ATP13A4: variants seen among roughly 807,000 people sequenced by gnomAD.
The protein encoded by ATP13A4 is probable cation-transporting ATPase 13A4.
ATP13A4 carries 114 observed loss-of-function variants against 142.5 expected under a neutral mutation model. The observed-to-expected ratio is 0.80, with a 90% CI of 0.69 to 0.93. The LOEUF (loss-of-function observed/expected upper bound fraction) is 0.93. ATP13A4 is among the 40% of genes least tolerant of loss of function. ATP13A4 has a pLI of 0.00. For missense variants in ATP13A4, 1,392 were observed against 1,454.0 expected (o/e 0.96, Z 0.69); for synonymous variants, 488 against 514.8 (o/e 0.95, Z 0.70).
intron 25 of ATP13A4, 24 bp from the exon 26 acceptor site, chr3:193,414,774 T>C (rs757864975): frequency 4.3e-6 from 7 of 1,610,080 alleles, no homozygotes; most frequent in Non-Finnish European, 5.9e-6. Context: ...TCGAATTTTA[T>C]ATTTATGAGA....
chr3:193,554,877 C>A lies in ATP13A4; in HGVS notation c.-78G>T. The A allele has an allele frequency of 6.2e-7, 1 of 1,612,740 alleles. No individual in the cohort carries two copies. ...GATGAACTCCAACTCGCCGAGCCAC[C>A]GCAGCTCCTCAGCTGACTAAAAGAG... On this transcript the variant is annotated 5_prime_UTR_variant, in exon 1 of 30. Transcript: ENST00000342695.
intron 2 of ATP13A4, among the ~76,000 whole-genome samples, chr3:193,508,741 G>A (rs1475476885): frequency 6.6e-6 from 1 of 152,080 alleles, no homozygotes; most frequent in Admixed American, 6.6e-5. Flanking sequence ...ATTCAGAAGT[G>A]GGAATGTGTA....
chr3:193,528,960 A>G (rs1343872381), intron 1 of ATP13A4, among the ~76,000 whole-genome samples: 2 of 152,168 alleles, frequency 1.3e-5, no homozygotes, highest in Non-Finnish European at 2.9e-5. Context: ...GATGTCCTCT[A>G]TAACTGGCTT....
At chr3:193,438,404 C>T in intron 23 of ATP13A4, 71 bp downstream of exon 23, 1 of 1,304,742 alleles carries the variant, frequency 7.7e-7, no homozygotes, top group Non-Finnish European at 1.1e-6. Context: ...TAGTCTTTCC[C>T]AGGCAGAACA....
At chr3:193,572,298 C>G (rs1456271928) in intron 2 of ATP13A4, among the ~76,000 whole-genome samples, 1 of 152,110 alleles carries the variant, frequency 6.6e-6, no homozygotes, top group Admixed American at 6.5e-5. Flanking sequence ...ACTCTCTATC[C>G]TATCTTCATA....
At chr3:193,508,059 A>T (rs1272036320) in intron 2 of ATP13A4, among the ~76,000 whole-genome samples, 1 of 152,182 alleles carries the variant, frequency 6.6e-6, no homozygotes, top group Admixed American at 6.5e-5. Flanking sequence ...TCCATATGAG[A>T]TGAAGAGACA....
chr3:193,419,021 C>T lies in ATP13A4; in HGVS notation c.2843-4271G>A, dbSNP rs142434230. The T allele has an allele frequency of 1.5e-3, 232 of 150,868 alleles. 24 individuals carry two copies. The South Asian group carries it at 0.026, about 17-fold the overall frequency. The allele number at this position is 150,868 out of a possible 1,614,324, so 9.3% of individuals were successfully genotyped here. A position where few individuals can be genotyped will look rare whatever the true frequency, so the allele number is the denominator to read the frequency against. On this transcript the variant is annotated intron_variant, in intron 25 of 29. Transcript: ENST00000342695. Reference sequence around the variant, plus strand: ...TCCTCTAGGGACTGAACTGAAGCTACACACTACCTCCACAGGAAATGAGTG... The same window carrying T: ...TCCTCTAGGGACTGAACTGAAGCTATACACTACCTCCACAGGAAATGAGTG...
At chr3:193,507,601 A>C (rs959049388) in intron 2 of ATP13A4, among the ~76,000 whole-genome samples, 1 of 152,206 alleles carries the variant, frequency 6.6e-6, no homozygotes, top group Admixed American at 6.5e-5. Context: ...TTGTGTACAA[A>C]ACAAGGAAAT....
chr3:193,438,503 T>C lies in ATP13A4; in HGVS notation c.2644A>G (p.Asn882Asp), dbSNP rs765025513. ...VASPFTSKTPNIECVPHLIKE... is the reference protein window; with the variant it reads ...VASPFTSKTPDIECVPHLIKE... ...ATAAGGTGAGGTACGCACTCAATGT[T>C]TGGAGTTTTGGAAGTGAAAGGTGAG... Residue 882 changes from asparagine (N) to aspartate (D), a missense_variant, in exon 23 of 30, where the codon AAC (asparagine) becomes GAC (aspartate). By Grantham distance (23) the Asn-to-Asp change is conservative. Coordinates refer to ENST00000342695, the MANE Select transcript of ATP13A4 (RefSeq NM_032279.4). 3 of 1,613,824 alleles carry C rather than the reference T, an allele frequency of 1.9e-6. No homozygotes were observed. In the African/African-American group the frequency reaches 4.0e-5, roughly 22 times the overall value.
chr3:193,489,705 C>T, intron 7 of ATP13A4, 25 bp downstream of exon 7: 1 of 1,592,528 alleles, frequency 6.3e-7, no homozygotes, highest in Non-Finnish European at 8.6e-7. Flanking sequence ...CTTTATGAAA[C>T]CATAGAATTA....
At chr3:193,414,776 T>C in intron 25 of ATP13A4, 26 bp from the exon 26 acceptor site, 1 of 1,607,388 alleles carries the variant, frequency 6.2e-7, no homozygotes, top group Non-Finnish European at 8.5e-7. Flanking sequence ...GAATTTTATA[T>C]TTATGAGAGC....
In ATP13A4 at chr3:193,438,721, TG is replaced by T. The variant is rs1454832941; in HGVS notation, c.2563-138del. ...TCTAACCAAGAGACTTAACCCTGCC[TG>T]GAACATGAGAAAAAGATGGCATTAG... On this transcript the variant is annotated intron_variant, in intron 22 of 29. Coordinates refer to ENST00000342695, the MANE Select transcript of ATP13A4 (RefSeq NM_032279.4). 1.0e-5 allele frequency: 8 copies of T among 786,042 alleles called. No homozygotes were observed. The Admixed American group carries it at 1.3e-4, about 12-fold the overall frequency. The allele number at this position is 786,042 out of a possible 1,614,324, so 48.7% of individuals were successfully genotyped here. A position where few individuals can be genotyped will look rare whatever the true frequency, so the allele number is the denominator to read the frequency against.
rs532602662 is a variant in ATP13A4 at position 193,488,237 on chromosome 3, C to A, written c.738+1493G>T. Among the ~76,000 whole-genome samples, 6 of 152,256 alleles carry A rather than the reference C, an allele frequency of 3.9e-5. No individual in the cohort carries two copies. In the South Asian group the frequency reaches 6.2e-4, roughly 16 times the overall value. ...CAAGATCACACCATTGCACTCCAGT[C>A]TGGGTGACAAAAGCAAAACTCCATC... On this transcript the variant is annotated intron_variant, in intron 7 of 29. Coordinates refer to ENST00000342695, the MANE Select transcript of ATP13A4 (RefSeq NM_032279.4).
chr3:193,537,290 C>G (rs1173707131), intron 1 of ATP13A4, among the ~76,000 whole-genome samples: 1 of 152,034 alleles, frequency 6.6e-6, no homozygotes, highest in East Asian at 1.9e-4. Flanking sequence ...AACAGACATA[C>G]ACAGATACAC....
At chr3:193,563,641 G>A (rs1724065141) in intron 2 of ATP13A4, among the ~76,000 whole-genome samples, 1 of 152,134 alleles carries the variant, frequency 6.6e-6, no homozygotes, top group South Asian at 2.1e-4. Flanking sequence ...ACTCCAGCCT[G>A]GGCAATAGAC....
In ATP13A4 at chr3:193,488,326, G is replaced by A. The variant is rs764777851; in HGVS notation, c.738+1404C>T. On this transcript the variant is annotated intron_variant, in intron 7 of 29. Coordinates refer to ENST00000342695, the MANE Select transcript of ATP13A4 (RefSeq NM_032279.4). The stretch of plus-strand genomic sequence containing the variant: ...AGTACACATAGAATATATTCATTCT[G>A]TTAAACAAATTAATGCATATGCATT... Among the ~76,000 whole-genome samples the A allele has an allele frequency of 3.2e-4, 48 of 152,110 alleles. 1 individual carries two copies. Among genetic ancestry groups the A allele is most frequent in the Admixed American group, 2.0e-4 (3 of 15,262 alleles).
chr3:193,569,019 T>C (rs1372729531), intron 2 of ATP13A4, among the ~76,000 whole-genome samples: 1 of 152,194 alleles, frequency 6.6e-6, no homozygotes, highest in Non-Finnish European at 1.5e-5. Context: ...GGGCTATTCA[T>C]AGTGATTTCC....
intron 29 of ATP13A4, chr3:193,404,196 G>C: frequency 1.0e-6 from 1 of 977,242 alleles, no homozygotes; most frequent in Non-Finnish European, 1.2e-6. Flanking sequence ...TCGAGTAAAG[G>C]TTTTAAAATC....
In ATP13A4 at chr3:193,448,376, A is replaced by G. The variant is rs376524128; in HGVS notation, c.2028-46T>C. 125 of 1,607,908 alleles carry G rather than the reference A, an allele frequency of 7.8e-5. 1 individual carries two copies. The African/African-American group carries it at 1.4e-3, about 18-fold the overall frequency. On this transcript the variant is annotated intron_variant, in intron 17 of 29. Coordinates refer to ENST00000342695, the MANE Select transcript of ATP13A4 (RefSeq NM_032279.4). ...GTATTGAACAGAAATAACACATATT[A>G]CAGCTTTTTTTTTGAGACGGAGTCT...
Sources: allele counts gnomAD v4.1 joint callset (sites outside exome capture counted in the v4.1 genomes callset), GRCh38; gene constraint gnomAD v4.1.1; transcripts MANE v1.5; gene names NCBI Gene and HGNC (gene_info 2026-07-23, HGNC 2026-07-21).